ADAMTS16: variants seen among roughly 807,000 people sequenced by gnomAD.
The protein encoded by ADAMTS16 is ADAM metallopeptidase with thrombospondin type 1 motif 16.
ADAMTS16 carries 94 observed loss-of-function variants against 145.8 expected under a neutral mutation model. The observed-to-expected ratio is 0.64, with a 90% confidence interval of 0.55 to 0.77. The LOEUF is 0.77. ADAMTS16 is among the 30% of genes least tolerant of loss of function. The probability of loss-of-function intolerance (pLI) is 0.00; values close to 1 mark genes in which losing one functional copy is unlikely to be tolerated. For missense variants in ADAMTS16, 1,585 were observed against 1,591.5 expected, an observed-to-expected ratio of 1.00 and a Z score of 0.07; for synonymous variants, 659 against 604.3, an observed-to-expected ratio of 1.09 and a Z score of -1.33.
rs2126391191 is a variant in ADAMTS16 at position 5,241,933 on chromosome 5, T to C, written c.2524-120T>C. 3 of 1,216,896 alleles carry C rather than the reference T, an allele frequency of 2.5e-6. 1 individual carries two copies. The South Asian group carries it at 4.6e-5, about 19-fold the overall frequency. The allele number at this position is 1,216,896 out of a possible 1,614,324, so 75.4% of individuals were successfully genotyped here. A position where few individuals can be genotyped will look rare whatever the true frequency, so the allele number is the denominator to read the frequency against. On this transcript the variant is annotated intron_variant, in intron 16 of 22. Transcript: ENST00000274181. ...TTTGGATGATAGTCTGAATGTATTT[T>C]ATCATCATAACAAACTTCTTGTTGA...
intron 18 of ADAMTS16, among the ~76,000 whole-genome samples, chr5:5,278,231 A>C (rs1177573825): frequency 2.0e-5 from 3 of 152,160 alleles, no homozygotes; most frequent in Non-Finnish European, 2.9e-5. Flanking sequence ...CGGTGCCAAG[A>C]ATTCCAGTGA....
chr5:5,226,855 A>G (rs1736780071), intron 11 of ADAMTS16, among the ~76,000 whole-genome samples: 2 of 152,240 alleles, frequency 1.3e-5, no homozygotes, highest in African/African-American at 4.8e-5. Context: ...TGGACATTCC[A>G]GAGTTCTTCT....
intron 18 of ADAMTS16, among the ~76,000 whole-genome samples, chr5:5,293,578 T>A (rs1481409582): frequency 1.3e-5 from 2 of 152,180 alleles, no homozygotes. Context: ...TTGGATGCTA[T>A]GAGAGGGGGC....
At chr5:5,239,640 C>G in intron 15 of ADAMTS16, 41 bp from the exon 16 acceptor site, 1 of 1,604,328 alleles carries the variant, frequency 6.2e-7, no homozygotes, top group Non-Finnish European at 8.5e-7. Flanking sequence ...CCCCTGCTTT[C>G]TGGAATGAAA....
At chr5:5,250,783 T>C (rs1208440730) in intron 17 of ADAMTS16, among the ~76,000 whole-genome samples, 10 of 151,850 alleles carry the variant, frequency 6.6e-5, no homozygotes, top group South Asian at 6.3e-4. Flanking sequence ...TAAAGGGGCT[T>C]CTAAGGTCTC....
rs111470911 is a variant in ADAMTS16, at chr5:5,275,818, G to A, written c.2789+13035G>A. On this transcript the variant is annotated intron_variant, in intron 18 of 22. Coordinates refer to ENST00000274181, the MANE Select transcript of ADAMTS16 (RefSeq NM_139056.4). Reference sequence around the variant, plus strand: ...GTCATTGGGTTTACCTATGTCTTTAGTAAATAATATTCTGCTGAATTTTAA... The same window carrying A: ...GTCATTGGGTTTACCTATGTCTTTAATAAATAATATTCTGCTGAATTTTAA... Among the ~76,000 whole-genome samples the A allele has an allele frequency of 3.3e-3, 497 of 151,186 alleles. 4 individuals carry two copies. Among genetic ancestry groups the A allele is most frequent in the African/African-American group, 0.012 (482 of 41,254 alleles).
chr5:5,166,784 G>A (rs376180396), intron 3 of ADAMTS16, among the ~76,000 whole-genome samples: 4 of 152,118 alleles, frequency 2.6e-5, no homozygotes, highest in African/African-American at 9.7e-5. Context: ...GGAAAATAAG[G>A]CCCTGCTGAA....
At chr5:5,197,603 T>C (rs1316510481) in intron 8 of ADAMTS16, among the ~76,000 whole-genome samples, 1 of 152,254 alleles carries the variant, frequency 6.6e-6, no homozygotes, top group Non-Finnish European at 1.5e-5. Flanking sequence ...TAAAGTACTA[T>C]GGTGCACAGG....
In ADAMTS16 at chr5:5,209,107, T is replaced by C. The variant is rs372463444; in HGVS notation, c.1466T>C (p.Ile489Thr). The stretch of plus-strand genomic sequence containing the variant: ...CTTTGTTTCAGCACCGCTCAAGCTA[T>C]CTGCCTTGCTGATCAGCCAAAGCCT... ...LHKFLSTAQA[I>T]CLADQPKPVK... The change falls in exon 10 of 23, where the codon ATC becomes ACC. Residue 489 changes from isoleucine (I) to threonine (T), a missense_variant. Around this residue, in one of 3 missense-constraint regions of ADAMTS16, gnomAD observed 298 missense variants for 367.6 expected, o/e 0.81. Transcript: ENST00000274181. 117 of 1,613,552 alleles carry C rather than the reference T, an allele frequency of 7.3e-5. No homozygotes were observed. Among genetic ancestry groups the C allele is most frequent in the Non-Finnish European group, 9.1e-5 (107 of 1,179,700 alleles).
At chr5:5,247,305 G>A (rs979572184) in intron 17 of ADAMTS16, among the ~76,000 whole-genome samples, 2 of 151,958 alleles carry the variant, frequency 1.3e-5, no homozygotes, top group African/African-American at 2.4e-5. Flanking sequence ...AACGTCTCCC[G>A]TTCTTTATTC....
chr5:5,296,830 G>C (rs757692171), intron 18 of ADAMTS16, among the ~76,000 whole-genome samples: 6 of 152,182 alleles, frequency 3.9e-5, no homozygotes, highest in Non-Finnish European at 5.9e-5. Flanking sequence ...ATGTAATTAG[G>C]TCTAGATCGT....
At chr5:5,158,036 CT>C (rs1238821126) in intron 3 of ADAMTS16, among the ~76,000 whole-genome samples, 1 of 152,226 alleles carries the variant, frequency 6.6e-6, no homozygotes, top group Non-Finnish European at 1.5e-5. Flanking sequence ...TCACTTTGTT[CT>C]TTAGGTCTCA....
intron 18 of ADAMTS16, among the ~76,000 whole-genome samples, chr5:5,264,663 C>G (rs1738168107): frequency 6.6e-6 from 1 of 152,146 alleles, no homozygotes; most frequent in South Asian, 2.1e-4. Context: ...TTGGGAAGAT[C>G]TTGTCCTCCC....
chr5:5,203,037 T>C (rs754141628), intron 9 of ADAMTS16, among the ~76,000 whole-genome samples: 29 of 152,220 alleles, frequency 1.9e-4, no homozygotes, highest in Non-Finnish European at 3.4e-4. Flanking sequence ...TAAGTTGAAG[T>C]GTGCTGATGT....
chr5:5,179,643 G>C (rs1735286610), intron 3 of ADAMTS16, among the ~76,000 whole-genome samples: 1 of 152,210 alleles, frequency 6.6e-6, no homozygotes, highest in Admixed American at 6.5e-5. Context: ...TCTTCGTTTA[G>C]TTCCCGGAGT....
At chr5:5,226,179 G>T (rs1736761390) in intron 11 of ADAMTS16, among the ~76,000 whole-genome samples, 1 of 152,148 alleles carries the variant, frequency 6.6e-6, no homozygotes. Flanking sequence ...TTCATACGTT[G>T]TATTTTCTCA....
At chr5:5,305,215 C>G (rs1442316700) in intron 20 of ADAMTS16, among the ~76,000 whole-genome samples, 1 of 98,974 alleles carries the variant, frequency 1.0e-5, no homozygotes, top group South Asian at 3.9e-4. Flanking sequence ...ATCCACACCA[C>G]ACACACACAT....
chr5:5,248,994 G>C (rs1411848525), intron 17 of ADAMTS16, among the ~76,000 whole-genome samples: 1 of 152,222 alleles, frequency 6.6e-6, no homozygotes, highest in African/African-American at 2.4e-5. Flanking sequence ...GATTGGGAGA[G>C]ATTGGCTTAC....
chr5:5,267,527 C>T lies in ADAMTS16; in HGVS notation c.2789+4744C>T, dbSNP rs190249024. ...CTCCACAGCTGAGTTCTCCTCCGAC[C>T]GTCCCAGACAAACTCTGGTTGATGG... On this transcript the variant is annotated intron_variant, in intron 18 of 22. Coordinates refer to ENST00000274181, the MANE Select transcript of ADAMTS16 (RefSeq NM_139056.4). Among the ~76,000 whole-genome samples, 25 of 152,214 alleles carry T rather than the reference C, an allele frequency of 1.6e-4. No individual in the cohort carries two copies. In the East Asian group the frequency reaches 4.5e-3, roughly 27 times the overall value.
Sources: allele counts gnomAD v4.1 joint callset (sites outside exome capture counted in the v4.1 genomes callset), GRCh38; gene constraint gnomAD v4.1.1; regional missense constraint gnomAD v4.1.1; transcripts MANE v1.5; gene names NCBI Gene and HGNC (gene_info 2026-07-23, HGNC 2026-07-21).